SEMA6D: variants seen among roughly 807,000 people sequenced by gnomAD.
SEMA6D encodes the protein semaphorin-6D.
In SEMA6D, 35 loss-of-function variants were observed where a neutral mutation model predicts 106.6. The ratio of observed to expected loss-of-function variants is 0.33; its 90% CI spans 0.25 to 0.44. SEMA6D has a LOEUF of 0.44. Among genes scored for constraint, SEMA6D ranks in the 20% least tolerant of loss-of-function variants. SEMA6D has a pLI of 1.00. For synonymous variants in SEMA6D, 499 were observed against 487.7 expected, an observed-to-expected ratio of 1.02 and a Z score of -0.31; for missense variants, 1,185 against 1,345.9, an observed-to-expected ratio of 0.88 and a Z score of 1.87.
rs1330992010 is a variant in SEMA6D, at chr15:47,217,866, T to TACACACAC, written c.-239+33455_-239+33456insCACACACA. Reference sequence around the variant, plus strand: ...CACACCCCTGCTTCCTGCTTGCATGTACACACATACACACACACACACACA... The same window carrying TACACACAC: ...CACACCCCTGCTTCCTGCTTGCATGTACACACACACACACATACACACACACACACACA... On this transcript the variant is annotated intron_variant, in intron 1 of 19. Coordinates refer to the SEMA6D transcript ENST00000558014. 3.7e-3 allele frequency among the ~76,000 whole-genome samples: 219 copies of TACACACAC among 59,324 alleles called. 2 individuals carry two copies. The highest frequency in any genetic ancestry group is 5.1e-3 in the Non-Finnish European group (161 of 31,666). The allele number at this position is 59,324 out of a possible 152,430, so 38.9% of individuals were successfully genotyped here.
At chr15:47,453,770 A>T (rs990343787) in intron 2 of SEMA6D, among the ~76,000 whole-genome samples, 2 of 151,958 alleles carry the variant, frequency 1.3e-5, no homozygotes, top group Non-Finnish European at 2.9e-5. Context: ...GCCCATGTGG[A>T]TACCATCTTT....
chr15:47,216,252 G>A (rs1312785778), intron 1 of SEMA6D, among the ~76,000 whole-genome samples: 1 of 152,104 alleles, frequency 6.6e-6, no homozygotes, highest in African/African-American at 2.4e-5. Flanking sequence ...CATTATTAAA[G>A]TATTTATTTA....
At chr15:47,400,721 A>G (rs1276225700) in intron 1 of SEMA6D, among the ~76,000 whole-genome samples, 1 of 152,208 alleles carries the variant, frequency 6.6e-6, no homozygotes, top group African/African-American at 2.4e-5. Flanking sequence ...CAGTGTATCA[A>G]ACAACTAGCT....
chr15:47,367,699 C>G (rs1303886608), intron 1 of SEMA6D, among the ~76,000 whole-genome samples: 1 of 33,446 alleles, frequency 3.0e-5, no homozygotes, highest in Non-Finnish European at 6.3e-5. Context: ...CGCGCACACA[C>G]ACACACACAC....
At chr15:47,567,328 A>G (rs1275399594) in intron 3 of SEMA6D, among the ~76,000 whole-genome samples, 3 of 152,230 alleles carry the variant, frequency 2.0e-5, no homozygotes, top group Non-Finnish European at 2.9e-5. Flanking sequence ...AAATTTAACA[A>G]AAATTTAATA....
rs1195453200 is a variant in SEMA6D at position 47,517,438 on chromosome 15, C to T, written c.-87+46893C>T. Among the ~76,000 whole-genome samples, 25 of 151,976 alleles carry T rather than the reference C, an allele frequency of 1.6e-4. 1 individual carries two copies. ...GAAAACCTATTTGCTCCTCTCTATG[C>T]GTTCATTACACATCTATATTGTACT... is the stretch of plus-strand genomic sequence containing the variant. On this transcript the variant is annotated intron_variant, in intron 3 of 19. Transcript: ENST00000558014.
intron 2 of SEMA6D, among the ~76,000 whole-genome samples, chr15:47,435,960 A>G (rs187752378): frequency 6.6e-6 from 1 of 152,204 alleles, no homozygotes; most frequent in East Asian, 1.9e-4. Context: ...CTTTCAGGCT[A>G]AAGCAGTAAG....
intron 3 of SEMA6D, among the ~76,000 whole-genome samples, chr15:47,471,108 A>G (rs1454263202): frequency 2.6e-5 from 4 of 152,158 alleles, no homozygotes; most frequent in African/African-American, 9.7e-5. Context: ...CTGTGAGTGG[A>G]CATGTGGCTG....
chr15:47,426,957 G>C (rs1442538733), intron 2 of SEMA6D, among the ~76,000 whole-genome samples: 2 of 152,142 alleles, frequency 1.3e-5, no homozygotes, highest in African/African-American at 4.8e-5. Flanking sequence ...TTAAATGGTA[G>C]AAATCACATG....
chr15:47,213,526 C>T (rs282518), intron 1 of SEMA6D, among the ~76,000 whole-genome samples: 7,220 of 152,164 alleles, frequency 0.047, 215 homozygotes, highest in South Asian at 0.12. Context: ...ATTTGTAATG[C>T]GTTTTGGTTC....
intron 1 of SEMA6D, among the ~76,000 whole-genome samples, chr15:47,748,472 T>C (rs2081261169): frequency 6.6e-6 from 1 of 152,224 alleles, no homozygotes; most frequent in Non-Finnish European, 1.5e-5. Flanking sequence ...TCAGTAACAT[T>C]GCTGTGGAGT....
In SEMA6D at chr15:47,767,106, T is replaced by A. The variant is rs759334992; in HGVS notation, c.1765+13T>A. 2.6e-5 allele frequency: 40 copies of A among 1,550,078 alleles called. No individual in the cohort carries two copies. In the East Asian group the frequency reaches 2.8e-4, roughly 11 times the overall value. ...GGTCCAACATCTGGTTAGTTTTTTT[T>A]AATTTTTTTGAATTAACAACCTTTT... On this transcript the variant is annotated intron_variant, in intron 17 of 18. Transcript: ENST00000536845.
intron 3 of SEMA6D, among the ~76,000 whole-genome samples, chr15:47,586,778 C>T (rs1032279197): frequency 3.3e-5 from 5 of 152,106 alleles, no homozygotes; most frequent in African/African-American, 9.7e-5. Context: ...TTCCACCCCC[C>T]ACCCCACCCG....
chr15:47,506,375 C>T lies in SEMA6D; in HGVS notation c.-87+35830C>T, dbSNP rs536207870. Among the ~76,000 whole-genome samples the T allele has an allele frequency of 4.8e-4, 73 of 152,102 alleles. No homozygotes were observed. In the Middle Eastern group the frequency reaches 0.01, roughly 21 times the overall value. On this transcript the variant is annotated intron_variant, in intron 3 of 19. Coordinates refer to the SEMA6D transcript ENST00000558014. ...TATCGTTTTGTGTCTGTGGTGGCAT[C>T]GGAGAAACCTTTGCTAAATTTAGCC...
chr15:47,498,634 C>T (rs1471672085), intron 3 of SEMA6D, among the ~76,000 whole-genome samples: 1 of 152,076 alleles, frequency 6.6e-6, no homozygotes, highest in Admixed American at 6.6e-5. Flanking sequence ...CATATATTTT[C>T]ACCAAATTTG....
intron 3 of SEMA6D, among the ~76,000 whole-genome samples, chr15:47,586,220 A>T (rs1189387637): frequency 1.3e-5 from 2 of 152,196 alleles, no homozygotes; most frequent in African/African-American, 4.8e-5. Flanking sequence ...ATGTATTTTC[A>T]TGATGTATCC....
chr15:47,674,035 A>G (rs1347903731), intron 4 of SEMA6D, among the ~76,000 whole-genome samples: 2 of 151,688 alleles, frequency 1.3e-5, no homozygotes, highest in Admixed American at 1.3e-4. Context: ...GTCCCCGGAC[A>G]CTCTCTTTCT....
At chr15:47,366,308 T>A (rs1250535761) in intron 1 of SEMA6D, among the ~76,000 whole-genome samples, 3 of 152,194 alleles carry the variant, frequency 2.0e-5, no homozygotes, top group Non-Finnish European at 2.9e-5. Flanking sequence ...TCATATTGTA[T>A]TATTAAGGGT....
At chr15:47,507,838 C>T (rs779659122) in intron 3 of SEMA6D, among the ~76,000 whole-genome samples, 1 of 152,148 alleles carries the variant, frequency 6.6e-6, no homozygotes, top group African/African-American at 2.4e-5. Context: ...AAAGCCATTT[C>T]GGGCCCCTGC....
Sources: allele counts gnomAD v4.1 joint callset (sites outside exome capture counted in the v4.1 genomes callset), GRCh38; gene constraint gnomAD v4.1.1; transcripts MANE v1.5; gene names NCBI Gene and HGNC (gene_info 2026-07-23, HGNC 2026-07-21).